The following DMXL2 variants were observed in gnomAD, a reference collection of about 807,000 sequenced individuals.
DMXL2 encodes dmX-like protein 2.
DMXL2 carries 103 observed loss-of-function variants against 331.1 expected under a neutral mutation model. That is an observed-to-expected ratio of 0.31 (90% CI 0.27 to 0.37). The LOEUF is 0.37. Among genes scored for constraint, DMXL2 ranks in the 10% least tolerant of loss-of-function variants. The probability of loss-of-function intolerance (pLI) is 1.00; values close to 1 mark genes in which losing one functional copy is unlikely to be tolerated. For missense variants in DMXL2, 3,171 were observed against 3,642.9 expected (o/e 0.87, Z 3.33); for synonymous variants, 1,281 against 1,252.1 (o/e 1.02, Z -0.49).
At chr15:51,612,855 T>A (rs577500370) in intron 1 of DMXL2, among the ~76,000 whole-genome samples, 15 of 152,302 alleles carry the variant, frequency 9.8e-5, no homozygotes, top group African/African-American at 3.6e-4. Context: ...CAGGGCTTAT[T>A]TCATCCCCCA....
chr15:51,546,516 G>A (rs1232555726), intron 7 of DMXL2, among the ~76,000 whole-genome samples: 2 of 151,940 alleles, frequency 1.3e-5, no homozygotes, highest in Non-Finnish European at 2.9e-5. Flanking sequence ...TATTTAGTAG[G>A]TAAAATAACC....
rs991649830 is a variant in DMXL2, at chr15:51,571,825, G to C, written c.214-3267C>G. ...AATTTATAGCACTAAATGCCCACAA[G>C]AGAAAGCAGGAAAGATCTAAAATTG... On this transcript the variant is annotated intron_variant, in intron 2 of 43. Coordinates refer to ENST00000560891, the MANE Select transcript of DMXL2 (RefSeq NM_001378457.1). Among the ~76,000 whole-genome samples the C allele has an allele frequency of 6.4e-4, 98 of 152,146 alleles. 1 individual carries two copies. The highest frequency in any genetic ancestry group is 2.2e-3 in the African/African-American group (93 of 41,432).
chr15:51,566,234 T>TGTGTGG (rs1399812418), intron 3 of DMXL2, among the ~76,000 whole-genome samples: 1 of 1,036 alleles, frequency 9.7e-4, no homozygotes, highest in African/African-American at 1.5e-3. Context: ...GTGTGTGGGG[T>TGTGTGG]GTGTGTGTGT....
chr15:51,589,562 A>G lies in DMXL2; in HGVS notation c.88-13381T>C, dbSNP rs576102989. Among the ~76,000 whole-genome samples the G allele has an allele frequency of 4.9e-4, 74 of 152,334 alleles. 1 individual carries two copies. Among genetic ancestry groups the G allele is most frequent in the African/African-American group, 1.7e-3 (69 of 41,586 alleles). ...CCATGAAATTAGGGTAAGGAGTACA[A>G]TGAGAATTCTGGGAGGAAAGAGAGC... is the stretch of plus-strand genomic sequence containing the variant. On this transcript the variant is annotated intron_variant, in intron 1 of 43. Transcript: ENST00000560891.
chr15:51,476,019 G>A (rs1449993617), intron 27 of DMXL2, among the ~76,000 whole-genome samples: 1 of 152,118 alleles, frequency 6.6e-6, no homozygotes, highest in African/African-American at 2.4e-5. Context: ...TGAAATAAGA[G>A]GTTAAAATGA....
chr15:51,587,731 G>T (rs1245325978), intron 1 of DMXL2, among the ~76,000 whole-genome samples: 1 of 152,174 alleles, frequency 6.6e-6, no homozygotes, highest in African/African-American at 2.4e-5. Flanking sequence ...CTAGATCCCT[G>T]AGGAATCGCC....
At chr15:51,560,044 T>C (rs977091842) in intron 6 of DMXL2, among the ~76,000 whole-genome samples, 1 of 152,132 alleles carries the variant, frequency 6.6e-6, no homozygotes, top group Non-Finnish European at 1.5e-5. Flanking sequence ...GGCAGATCAA[T>C]GGAAAAAGAA....
chr15:51,552,094 G>A (rs1655323754), intron 6 of DMXL2, among the ~76,000 whole-genome samples: 1 of 152,216 alleles, frequency 6.6e-6, no homozygotes. Context: ...GCAGGAAAGA[G>A]CTTGGCATAT....
At chr15:51,607,299 AC>A (rs1353331503) in intron 1 of DMXL2, among the ~76,000 whole-genome samples, 2 of 149,538 alleles carry the variant, frequency 1.3e-5, no homozygotes, top group Non-Finnish European at 3.0e-5. Flanking sequence ...TACTAAAAAT[AC>A]AAAAAATTAG....
chr15:51,548,209 T>C (rs149564739), intron 6 of DMXL2, among the ~76,000 whole-genome samples: 120 of 152,240 alleles, frequency 7.9e-4, no homozygotes, highest in East Asian at 9.6e-4. Context: ...AAAAACTGCA[T>C]TAAAGGGAAA....
At chr15:51,453,362 A>G in intron 41 of DMXL2, 188 bp downstream of exon 41, 1 of 457,320 alleles carries the variant, frequency 2.2e-6, no homozygotes, top group Non-Finnish European at 3.8e-6. Context: ...TACATATATT[A>G]GGAATAACTT....
intron 1 of DMXL2, among the ~76,000 whole-genome samples, chr15:51,618,405 T>G (rs1418401656): frequency 6.6e-6 from 1 of 152,186 alleles, no homozygotes; most frequent in African/African-American, 2.4e-5. Context: ...TTTCAAGGTT[T>G]GGTGTTACCA....
chr15:51,479,736 T>C (rs2140359756), intron 25 of DMXL2, among the ~76,000 whole-genome samples: 1 of 152,328 alleles, frequency 6.6e-6, no homozygotes, highest in South Asian at 2.1e-4. Context: ...TTGCCAAAAG[T>C]ATTTGTCTGT....
chr15:51,598,540 T>C (rs898911238), intron 1 of DMXL2, among the ~76,000 whole-genome samples: 13 of 152,218 alleles, frequency 8.5e-5, no homozygotes, highest in African/African-American at 3.1e-4. Context: ...TTTAGCTATG[T>C]CTTTTTAGAC....
rs1244920592 is a variant in DMXL2 at position 51,481,095 on chromosome 15, C to T, written c.6011G>A (p.Arg2004Lys). The T allele has an allele frequency of 1.2e-6, 2 of 1,613,198 alleles. No homozygotes were observed. Among genetic ancestry groups the T allele is most frequent in the African/African-American group, 1.3e-5 (1 of 74,902 alleles). Residue 2004 changes from arginine to lysine, a missense_variant, in exon 24 of 44, where the codon AGG (arginine) becomes AAG (lysine). Arg to Lys is a conservative substitution (Grantham distance 26, BLOSUM62 2). Coordinates refer to ENST00000560891, the MANE Select transcript of DMXL2 (RefSeq NM_001378457.1). ...CTGATCTGATTGTTTATCTTTTTCCCTGGCATCTGTACTTTTCATCACTAA... is the reference window on the plus strand; with the variant it reads ...CTGATCTGATTGTTTATCTTTTTCCTTGGCATCTGTACTTTTCATCACTAA... Reference protein sequence around the residue: ...VGLVMKSTDAREKDKQSDQKA... With the variant: ...VGLVMKSTDAKEKDKQSDQKA...
chr15:51,559,434 G>A (rs909602238), intron 6 of DMXL2, among the ~76,000 whole-genome samples: 6 of 152,138 alleles, frequency 3.9e-5, no homozygotes, highest in Non-Finnish European at 7.3e-5. Flanking sequence ...CTACAAGGAG[G>A]CCAGGCACAG....
At chr15:51,494,159 A>G (rs1455757439) in intron 19 of DMXL2, among the ~76,000 whole-genome samples, 1 of 152,190 alleles carries the variant, frequency 6.6e-6, no homozygotes, top group Non-Finnish European at 1.5e-5. Context: ...CAAATAGAAA[A>G]AATACCTCAG....
At chr15:51,568,809 C>T (rs1419470387) in intron 2 of DMXL2, among the ~76,000 whole-genome samples, 1 of 152,080 alleles carries the variant, frequency 6.6e-6, no homozygotes, top group Non-Finnish European at 1.5e-5. Context: ...TTTGGATGGA[C>T]AGCTGCCAAG....
intron 8 of DMXL2, among the ~76,000 whole-genome samples, chr15:51,543,062 T>C (rs866195630): frequency 6.6e-5 from 10 of 152,184 alleles, no homozygotes; most frequent in Non-Finnish European, 1.0e-4. Context: ...GTTTAAATTG[T>C]TTTAAACAAT....
Sources: allele counts gnomAD v4.1 joint callset (sites outside exome capture counted in the v4.1 genomes callset), GRCh38; gene constraint gnomAD v4.1.1; transcripts MANE v1.5; gene names NCBI Gene and HGNC (gene_info 2026-07-23, HGNC 2026-07-21).